Variants in IQCM observed in about 807,000 individuals in gnomAD.
IQCM encodes the protein IQ motif containing M, also known as IQ domain-containing protein M.
In IQCM, 45 loss-of-function variants were observed where a neutral mutation model predicts 57.6. The ratio of observed to expected loss-of-function variants is 0.78; its 90% CI spans 0.62 to 1.00. IQCM has a LOEUF of 1.00. IQCM is among the 50% of genes least tolerant of loss of function. The pLI is 0.00. For synonymous variants in IQCM, 148 were observed against 158.9 expected (o/e 0.93, Z 0.51); for missense variants, 468 against 511.6 (o/e 0.91, Z 0.82).
chr4:149,692,758 T>G (rs1415897172), intron 5 of IQCM, among the ~76,000 whole-genome samples: 2 of 152,142 alleles, frequency 1.3e-5, no homozygotes, highest in East Asian at 3.9e-4. Context: ...AATTATAACA[T>G]CTCTGAATTT....
At chr4:149,405,455 T>C (rs902172311) in intron 13 of IQCM, among the ~76,000 whole-genome samples, 3 of 151,882 alleles carry the variant, frequency 2.0e-5, no homozygotes, top group South Asian at 2.1e-4. Flanking sequence ...AAATACCTAA[T>C]GTAAATTATA....
intron 8 of IQCM, among the ~76,000 whole-genome samples, chr4:149,593,673 T>C (rs1185131957): frequency 6.6e-6 from 1 of 152,144 alleles, no homozygotes; most frequent in Admixed American, 6.5e-5. Context: ...TGAAGCGTTG[T>C]TGAATTTTGT....
intron 8 of IQCM, among the ~76,000 whole-genome samples, chr4:149,603,899 T>A (rs1266187776): frequency 1.3e-5 from 2 of 152,116 alleles, no homozygotes; most frequent in African/African-American, 4.8e-5. Context: ...TATGTGTATA[T>A]GCACACCTGT....
chr4:149,613,239 A>T (rs900561018), intron 8 of IQCM, among the ~76,000 whole-genome samples: 24 of 152,054 alleles, frequency 1.6e-4, no homozygotes, highest in African/African-American at 5.8e-4. Context: ...AGAAGAAAAT[A>T]TGATGAGGGA....
At chr4:149,717,300 T>C (rs2149844890) in intron 5 of IQCM, among the ~76,000 whole-genome samples, 1 of 152,198 alleles carries the variant, frequency 6.6e-6, no homozygotes, top group South Asian at 2.1e-4. Flanking sequence ...AGGTACATAG[T>C]GTCAGATTTG....
At chr4:149,542,461 G>T (rs1219317876) in intron 12 of IQCM, among the ~76,000 whole-genome samples, 2 of 151,996 alleles carry the variant, frequency 1.3e-5, no homozygotes, top group Non-Finnish European at 1.5e-5. Context: ...AATGGAAAAA[G>T]CATTCACCTT....
chr4:149,618,022 G>A (rs1395306102), intron 8 of IQCM, among the ~76,000 whole-genome samples: 1 of 152,050 alleles, frequency 6.6e-6, no homozygotes, highest in Admixed American at 6.5e-5. Flanking sequence ...AATTTATATG[G>A]AAGCAAAAAA....
chr4:149,379,366 C>A (rs1730920187), intron 13 of IQCM, among the ~76,000 whole-genome samples: 1 of 152,140 alleles, frequency 6.6e-6, no homozygotes, highest in Admixed American at 6.5e-5. Flanking sequence ...ACCCTCCATG[C>A]CAGCCCATGA....
At chr4:149,806,230 G>T (rs1774067385) in intron 2 of IQCM, among the ~76,000 whole-genome samples, 1 of 151,774 alleles carries the variant, frequency 6.6e-6, no homozygotes, top group African/African-American at 2.4e-5. Flanking sequence ...AGCTCAAATG[G>T]ATTATTTTTC....
intron 5 of IQCM, among the ~76,000 whole-genome samples, chr4:149,704,966 T>C (rs1454348652): frequency 6.6e-6 from 1 of 151,766 alleles, no homozygotes; most frequent in Admixed American, 6.6e-5. Flanking sequence ...TTAGACATTC[T>C]GAAGCCTTTG....
intron 7 of IQCM, among the ~76,000 whole-genome samples, chr4:149,624,111 T>C (rs1756587623): frequency 6.6e-6 from 1 of 151,744 alleles, no homozygotes; most frequent in African/African-American, 2.4e-5. Context: ...ACTTGCTTTG[T>C]ATGCGCCATA....
At chr4:149,669,857 C>T (rs1048049867) in intron 7 of IQCM, among the ~76,000 whole-genome samples, 2 of 152,176 alleles carry the variant, frequency 1.3e-5, no homozygotes, top group African/African-American at 4.8e-5. Flanking sequence ...GGTACCAGCA[C>T]CATGCTGTTT....
intron 8 of IQCM, among the ~76,000 whole-genome samples, chr4:149,592,959 T>C (rs1023026600): frequency 6.6e-6 from 1 of 152,216 alleles, no homozygotes; most frequent in Non-Finnish European, 1.5e-5. Context: ...TGGTTGCATA[T>C]GAACTTTAAA....
chr4:149,813,197 TA>T (rs1156837419), intron 2 of IQCM, among the ~76,000 whole-genome samples: 2 of 152,148 alleles, frequency 1.3e-5, no homozygotes, highest in Non-Finnish European at 2.9e-5. Flanking sequence ...CTCAGCTAAG[TA>T]AATTTTCTAC....
At chr4:149,813,375 A>G (rs1774770443) in intron 2 of IQCM, among the ~76,000 whole-genome samples, 1 of 152,102 alleles carries the variant, frequency 6.6e-6, no homozygotes, top group African/African-American at 2.4e-5. Context: ...CAAGAATGGG[A>G]AGAACAGGAC....
At chr4:149,625,218 T>G (rs1275271851) in intron 7 of IQCM, among the ~76,000 whole-genome samples, 4 of 152,242 alleles carry the variant, frequency 2.6e-5, no homozygotes, top group Non-Finnish European at 5.9e-5. Flanking sequence ...AATGTCCATT[T>G]AAATCAATTC....
chr4:149,789,323 A>G (rs190546288), intron 2 of IQCM, among the ~76,000 whole-genome samples: 192 of 152,316 alleles, frequency 1.3e-3, no homozygotes, highest in Admixed American at 2.3e-3. Flanking sequence ...TTCAGTAATT[A>G]TAAATTCTAT....
intron 9 of IQCM, among the ~76,000 whole-genome samples, chr4:149,570,008 G>A (rs2149956107): frequency 6.6e-6 from 1 of 151,748 alleles, no homozygotes; most frequent in Non-Finnish European, 1.5e-5. Flanking sequence ...GTATATAAAT[G>A]GTTTCAACTA....
intron 9 of IQCM, among the ~76,000 whole-genome samples, chr4:149,578,678 T>G (rs527555889): frequency 7.9e-5 from 12 of 151,846 alleles, no homozygotes; most frequent in African/African-American, 2.7e-4. Flanking sequence ...GACTTTAGAT[T>G]ATAGGGCTCC....
Sources: gnomAD v4.1 joint callset for allele counts (sites outside exome capture counted in the v4.1 genomes callset) on GRCh38, gnomAD v4.1.1 for gene constraint, MANE v1.5 for transcripts, NCBI Gene and HGNC (gene_info 2026-07-23, HGNC 2026-07-21) for gene names.